Variants in RALYL observed in about 807,000 individuals in gnomAD.
RALYL encodes RNA-binding Raly-like protein.
Under a neutral mutation model 35.1 loss-of-function variants are expected in RALYL, and 29 were observed. The ratio of observed to expected loss-of-function variants is 0.83; its 90% CI spans 0.61 to 1.13. RALYL has a LOEUF of 1.13. RALYL is among the 50% of genes most tolerant of loss of function. The pLI is 0.00. For missense variants in RALYL, 359 were observed against 360.4 expected (o/e 1.00, Z 0.03); for synonymous variants, 120 against 127.6 (o/e 0.94, Z 0.40).
At chr8:84,397,668 T>C (rs2131899444) in intron 1 of RALYL, among the ~76,000 whole-genome samples, 1 of 152,338 alleles carries the variant, frequency 6.6e-6, no homozygotes, top group East Asian at 1.9e-4. Context: ...TTTTATGAAA[T>C]GACTTAAGAA....
At chr8:84,460,874 A>G (rs1316278017) in intron 1 of RALYL, among the ~76,000 whole-genome samples, 2 of 151,610 alleles carry the variant, frequency 1.3e-5, no homozygotes, top group Admixed American at 1.3e-4. Context: ...TTGGAAATAT[A>G]TTCAAAATAA....
At chr8:84,574,215 CT>C (rs1176341384) in intron 2 of RALYL, among the ~76,000 whole-genome samples, 7 of 152,020 alleles carry the variant, frequency 4.6e-5, no homozygotes, top group Non-Finnish European at 7.4e-5. Context: ...AAATATGACT[CT>C]TCTAATGTCT....
At chr8:84,535,593 G>A (rs1020545974) in intron 2 of RALYL, among the ~76,000 whole-genome samples, 9 of 86,202 alleles carry the variant, frequency 1.0e-4, no homozygotes, top group African/African-American at 3.7e-4. Context: ...CTGCCACCAC[G>A]CCCGGCTAAT....
chr8:84,211,568 A>G (rs981666647), intron 1 of RALYL, among the ~76,000 whole-genome samples: 9 of 152,084 alleles, frequency 5.9e-5, no homozygotes, highest in African/African-American at 1.4e-4. Context: ...AGTTTCCCCA[A>G]TCTAAGCAGT....
chr8:84,734,504 T>C (rs1162589662), intron 2 of RALYL, among the ~76,000 whole-genome samples: 1 of 152,096 alleles, frequency 6.6e-6, no homozygotes, highest in African/African-American at 2.4e-5. Context: ...GGAATGAAAA[T>C]ATCCAGCTTC....
At chr8:84,287,898 C>T (rs1414568003) in intron 1 of RALYL, among the ~76,000 whole-genome samples, 1 of 152,096 alleles carries the variant, frequency 6.6e-6, no homozygotes, top group East Asian at 1.9e-4. Flanking sequence ...GGCTGAAGAA[C>T]AAACAATCCT....
At chr8:84,544,392 T>A (rs1475668607) in intron 2 of RALYL, among the ~76,000 whole-genome samples, 7 of 152,046 alleles carry the variant, frequency 4.6e-5, no homozygotes, top group Admixed American at 3.3e-4. Context: ...TTTAGATAAA[T>A]CATGATGTGT....
At chr8:84,427,864 T>G (rs1000538674) in intron 1 of RALYL, among the ~76,000 whole-genome samples, 4 of 152,200 alleles carry the variant, frequency 2.6e-5, no homozygotes, top group African/African-American at 9.6e-5. Flanking sequence ...GACTGTGGTC[T>G]TCTTAAGCAA....
At chr8:84,547,883 C>T (rs894125245) in intron 2 of RALYL, among the ~76,000 whole-genome samples, 1 of 152,062 alleles carries the variant, frequency 6.6e-6, no homozygotes, top group Non-Finnish European at 1.5e-5. Context: ...TTGTCTGAAG[C>T]TTGACTTTTA....
At chr8:84,363,731 T>C (rs190094290) in intron 1 of RALYL, among the ~76,000 whole-genome samples, 31 of 152,284 alleles carry the variant, frequency 2.0e-4, no homozygotes, top group Non-Finnish European at 2.8e-4. Flanking sequence ...CCCAGGATCA[T>C]GCTGGGGACA....
chr8:84,530,868 A>G (rs1400346445), intron 2 of RALYL, among the ~76,000 whole-genome samples: 1 of 152,088 alleles, frequency 6.6e-6, no homozygotes, highest in Non-Finnish European at 1.5e-5. Flanking sequence ...TGCCTTGATA[A>G]TGCCTCAAGC....
chr8:84,692,064 T>C (rs558731797), intron 2 of RALYL, among the ~76,000 whole-genome samples: 3 of 152,002 alleles, frequency 2.0e-5, no homozygotes, highest in African/African-American at 7.2e-5. Flanking sequence ...AAAATCAAAA[T>C]AGAAGGGATG....
At chr8:84,814,864 A>AGAGT (rs1826814446) in intron 4 of RALYL, among the ~76,000 whole-genome samples, 1 of 152,204 alleles carries the variant, frequency 6.6e-6, no homozygotes, top group Non-Finnish European at 1.5e-5. Context: ...TAATACACCT[A>AGAGT]GAGTGAGGCA....
chr8:84,854,550 G>A (rs1431293494), intron 5 of RALYL, among the ~76,000 whole-genome samples: 1 of 152,160 alleles, frequency 6.6e-6, no homozygotes, highest in African/African-American at 2.4e-5. Context: ...CATTCCGGCT[G>A]CAGCTGATCA....
intron 1 of RALYL, among the ~76,000 whole-genome samples, chr8:84,509,915 A>T (rs1048650721): frequency 6.6e-6 from 1 of 152,120 alleles, no homozygotes; most frequent in Non-Finnish European, 1.5e-5. Context: ...TTATTACTGT[A>T]GCTTTATATT....
intron 2 of RALYL, among the ~76,000 whole-genome samples, chr8:84,680,078 C>A (rs1835080775): frequency 6.6e-6 from 1 of 151,988 alleles, no homozygotes; most frequent in South Asian, 2.1e-4. Context: ...TCAATTCCCA[C>A]CTATGAGTGA....
intron 2 of RALYL, among the ~76,000 whole-genome samples, chr8:84,622,702 C>T (rs1821813945): frequency 6.6e-6 from 1 of 152,036 alleles, no homozygotes; most frequent in South Asian, 2.1e-4. Flanking sequence ...AGTCTGCTGG[C>T]ATCAATGAGG....
At chr8:84,699,741 C>T (rs756231058) in intron 2 of RALYL, among the ~76,000 whole-genome samples, 17 of 152,140 alleles carry the variant, frequency 1.1e-4, no homozygotes, top group Non-Finnish European at 2.4e-4. Context: ...TATATAATCA[C>T]TTCCATATGT....
At chr8:84,477,436 C>T (rs2053554583) in intron 1 of RALYL, among the ~76,000 whole-genome samples, 1 of 148,170 alleles carries the variant, frequency 6.7e-6, no homozygotes, top group Admixed American at 6.7e-5. Context: ...ATTATTTCTG[C>T]CATTGCAGAA....
Sources: allele counts gnomAD v4.1 joint callset (sites outside exome capture counted in the v4.1 genomes callset), GRCh38; gene constraint gnomAD v4.1.1; transcripts MANE v1.5; gene names NCBI Gene and HGNC (gene_info 2026-07-23, HGNC 2026-07-21).